TNRC6A: variants seen among roughly 807,000 people sequenced by gnomAD.
The protein encoded by TNRC6A is trinucleotide repeat-containing gene 6A protein.
Under a neutral mutation model 221.2 loss-of-function variants are expected in TNRC6A, and 44 were observed. That is an observed-to-expected ratio of 0.20 (90% CI 0.16 to 0.26). TNRC6A has a LOEUF of 0.26. Ranked by LOEUF, TNRC6A falls within the 10% of genes least tolerant of loss-of-function variation. TNRC6A has a pLI of 1.00. For synonymous variants in TNRC6A, 847 were observed against 838.5 expected, an observed-to-expected ratio of 1.01 and a Z score of -0.18; for missense variants, 2,199 against 2,404.4, an observed-to-expected ratio of 0.91 and a Z score of 1.79.
chr16:24,614,831 A>G (rs1376136821), intron 1 of TNRC6A, among the ~76,000 whole-genome samples: 1 of 152,230 alleles, frequency 6.6e-6, no homozygotes, highest in Non-Finnish European at 1.5e-5. Context: ...GCACTTTGGG[A>G]GAACGAGGCA....
intron 11 of TNRC6A, chr16:24,803,716 A>G (rs1365467717): frequency 1.9e-5 from 3 of 153,970 alleles, no homozygotes; most frequent in African/African-American, 7.2e-5. Context: ...CCGGGCCAAC[A>G]TGGAGAAACC....
chr16:24,695,392 A>G (rs1210500089), intron 2 of TNRC6A, among the ~76,000 whole-genome samples: 1 of 151,898 alleles, frequency 6.6e-6, no homozygotes, highest in Non-Finnish European at 1.5e-5. Context: ...CTTTTTATAC[A>G]TATATATATT....
At chr16:24,813,091 G>A (rs2058582444) in intron 18 of TNRC6A, among the ~76,000 whole-genome samples, 2 of 151,962 alleles carry the variant, frequency 1.3e-5, no homozygotes, top group Admixed American at 1.3e-4. Context: ...TGCCCAGGCT[G>A]GTCTCAAATT....
chr16:24,744,693 C>A (rs2056964294), intron 2 of TNRC6A, among the ~76,000 whole-genome samples: 1 of 152,172 alleles, frequency 6.6e-6, no homozygotes, highest in Non-Finnish European at 1.5e-5. Context: ...ATTCTCCTTC[C>A]TTCCTAAGGG....
Position 24,791,297 on chromosome 16 carries a change from C to A in TNRC6A, c.2655C>A (p.Ser885=). 6.2e-6 allele frequency: 10 copies of A among 1,612,250 alleles called. No homozygotes were observed. Among genetic ancestry groups the A allele is most frequent in the Non-Finnish European group, 8.5e-6 (10 of 1,179,024 alleles). ...SGGSDSDRSV[S]GWNELGKTSS... is the part of the protein sequence containing the mutation. ...GTAGTGACAGTGACAGGTCCGTTTC[C>A]GGTTGGAACGAACTTGGTAAAACTA... The change falls in exon 6 of 25, where the codon TCC becomes TCA. Residue 885 remains serine, a synonymous_variant. Coordinates refer to ENST00000395799, the MANE Select transcript of TNRC6A (RefSeq NM_014494.4).
At chr16:24,726,617 G>A (rs539472947), upstream of TNRC6A, among the ~76,000 whole-genome samples, 35 of 152,262 alleles carry the variant, frequency 2.3e-4, no homozygotes, top group Non-Finnish European at 4.6e-4. Context: ...AGAAGGAGGA[G>A]AGCCAGTGGA....
chr16:24,811,968 C>G (rs1332049042), intron 18 of TNRC6A, among the ~76,000 whole-genome samples: 1 of 142,810 alleles, frequency 7.0e-6, no homozygotes, highest in Non-Finnish European at 1.5e-5. Context: ...ATAAACCAAA[C>G]AGACCTTTGA....
At chr16:24,689,300 C>T (rs536267097) in intron 2 of TNRC6A, among the ~76,000 whole-genome samples, 6 of 152,264 alleles carry the variant, frequency 3.9e-5, no homozygotes, top group South Asian at 4.1e-4. Context: ...TCACAGCCAA[C>T]GCTTTAGGAA....
In TNRC6A at chr16:24,819,136, G is replaced by C. The variant is rs542536489; in HGVS notation, c.5080+436G>C. On this transcript the variant is annotated intron_variant, in intron 21 of 24. Coordinates refer to ENST00000395799, the MANE Select transcript of TNRC6A (RefSeq NM_014494.4). ...CAGGTTGCTGTCTGTCTACATATGC[G>C]CACTCTGGATTTCTGGACTCGTCCT... is the stretch of plus-strand genomic sequence containing the variant. Among the ~76,000 whole-genome samples, 4 of 152,240 alleles carry C rather than the reference G, an allele frequency of 2.6e-5. No individual in the cohort carries two copies. The South Asian group carries it at 8.3e-4, about 32-fold the overall frequency.
chr16:24,709,197 C>T (rs928051217), intron 2 of TNRC6A, among the ~76,000 whole-genome samples: 34 of 151,620 alleles, frequency 2.2e-4, no homozygotes, highest in Non-Finnish European at 2.9e-4. Context: ...GTGGAGGTTG[C>T]GGTGAACCGA....
intron 22 of TNRC6A, 136 bp from the exon 23 acceptor site, chr16:24,821,941 G>A: frequency 1.3e-6 from 1 of 791,518 alleles, no homozygotes; most frequent in East Asian, 2.5e-5. Flanking sequence ...CTGAAATTCT[G>A]GGCCTAGGGA....
chr16:24,773,904 C>T (rs1432701344), intron 4 of TNRC6A, among the ~76,000 whole-genome samples: 1 of 151,258 alleles, frequency 6.6e-6, no homozygotes, highest in Non-Finnish European at 1.5e-5. Flanking sequence ...TTTAGGAGTG[C>T]TTTTTGCGAA....
chr16:24,616,761 C>T (rs916506934), intron 1 of TNRC6A, among the ~76,000 whole-genome samples: 5 of 151,960 alleles, frequency 3.3e-5, no homozygotes, highest in Non-Finnish European at 4.4e-5. Context: ...GGCGAAACCC[C>T]GTCTCTACTA....
intron 3 of TNRC6A, among the ~76,000 whole-genome samples, chr16:24,752,759 A>G (rs2057166100): frequency 6.6e-6 from 1 of 152,156 alleles, no homozygotes. Flanking sequence ...GGTTGGATAT[A>G]CTTTATGTAG....
chr16:24,792,610 T>C (rs901719118), intron 6 of TNRC6A, among the ~76,000 whole-genome samples: 9 of 142,792 alleles, frequency 6.3e-5, no homozygotes, highest in African/African-American at 1.6e-4. Context: ...GAAACATTTA[T>C]GGCTTTTTTT....
intron 2 of TNRC6A, among the ~76,000 whole-genome samples, chr16:24,717,766 T>A (rs1052358148): frequency 1.5e-5 from 2 of 134,644 alleles, no homozygotes; most frequent in Non-Finnish European, 3.2e-5. Context: ...ATCTTTTTTT[T>A]TTTCTTTTTT....
At chr16:24,795,680 A>G (rs1391265906) in intron 8 of TNRC6A, 2 of 417,488 alleles carry the variant, frequency 4.8e-6, no homozygotes, top group East Asian at 3.5e-5. Context: ...TTGCCTTGCC[A>G]TATAGCTTAT....
intron 23 of TNRC6A, among the ~76,000 whole-genome samples, 154 bp from the exon 24 acceptor site, chr16:24,822,720 A>T (rs2058790779): frequency 1.3e-5 from 2 of 152,036 alleles, no homozygotes; most frequent in African/African-American, 4.8e-5. Context: ...ATGGCTCTGC[A>T]CCCCGTCAGA....
chr16:24,741,266 G>C (rs1015338034), intron 2 of TNRC6A, among the ~76,000 whole-genome samples: 1 of 152,156 alleles, frequency 6.6e-6, no homozygotes, highest in Admixed American at 6.5e-5. Context: ...TTATCATTAT[G>C]TATGTTGTGA....
Sources: allele counts gnomAD v4.1 joint callset (sites outside exome capture counted in the v4.1 genomes callset), GRCh38; gene constraint gnomAD v4.1.1; transcripts MANE v1.5; gene names NCBI Gene and HGNC (gene_info 2026-07-23, HGNC 2026-07-21).